SH3BGRL2: variants seen among roughly 807,000 people sequenced by gnomAD.
SH3BGRL2 encodes the protein SH3 domain-binding glutamic acid-rich-like protein 2.
SH3BGRL2 carries 21 observed loss-of-function variants against 14.8 expected under a neutral mutation model. The ratio of observed to expected loss-of-function variants is 1.42; its 90% CI spans 1.01 to 2.05. The LOEUF (loss-of-function observed/expected upper bound fraction) is 2.05. Among genes scored for constraint, SH3BGRL2 ranks in the 30% most tolerant of loss-of-function variants. The pLI is 0.00. For synonymous variants in SH3BGRL2, 50 were observed against 47.8 expected, an observed-to-expected ratio of 1.05 and a Z score of -0.19; for missense variants, 147 against 130.8, an observed-to-expected ratio of 1.12 and a Z score of -0.61.
intron 2 of SH3BGRL2, among the ~76,000 whole-genome samples, chr6:79,688,284 A>G (rs956666288): frequency 2.0e-5 from 3 of 151,824 alleles, no homozygotes; most frequent in Non-Finnish European, 4.4e-5. Flanking sequence ...ATGTTCCCTT[A>G]GTGAGTTCGA....
At chr6:79,586,599 G>A in the SH3BGRL2 span, among the ~76,000 whole-genome samples, 1 of 152,142 alleles carries the variant, frequency 6.6e-6, no homozygotes, top group African/African-American at 2.4e-5. Flanking sequence ...CATCTACAGT[G>A]ACTCTGAAAA....
rs562799666 is a variant in SH3BGRL2 at position 79,682,684 on chromosome 6, T to C, written c.231+8885T>C. ...CCGGAACATCCACTTGATTTGAAGA[T>C]TTTCATCATGTTGCAAGACTTAATA... On this transcript the variant is annotated intron_variant, in intron 2 of 3. Transcript: ENST00000369838. Among the ~76,000 whole-genome samples the C allele has an allele frequency of 2.0e-5, 3 of 152,326 alleles. No individual in the cohort carries two copies. The South Asian group carries it at 6.2e-4, about 32-fold the overall frequency.
intron 3 of SH3BGRL2, 30 bp from the exon 4 acceptor site, chr6:79,699,463 CTTTTT>C (rs35728679): frequency 0.013 from 11,140 of 871,716 alleles, no homozygotes; most frequent in East Asian, 0.036. Flanking sequence ...CAATAACTGA[CTTTTT>C]TTTTTTTTTT....
the SH3BGRL2 span, among the ~76,000 whole-genome samples, chr6:79,567,238 T>A: frequency 6.6e-6 from 1 of 152,314 alleles, no homozygotes; most frequent in East Asian, 1.9e-4. Flanking sequence ...TGAATGAAAC[T>A]AAATCTTCAG....
intron 1 of SH3BGRL2, among the ~76,000 whole-genome samples, chr6:79,669,177 T>A (rs1769720855): frequency 6.6e-6 from 1 of 152,052 alleles, no homozygotes; most frequent in Non-Finnish European, 1.5e-5. Flanking sequence ...ATTGACATTG[T>A]AGAGAGAGAG....
chr6:79,589,204 ATATTT>A, the SH3BGRL2 span, among the ~76,000 whole-genome samples: 78 of 85,480 alleles, frequency 9.1e-4, no homozygotes, highest in Middle Eastern at 7.1e-3. Context: ...ATATATATAT[ATATTT>A]TTTTTTTTTG....
At chr6:79,540,814 G>A in the SH3BGRL2 span, among the ~76,000 whole-genome samples, 3 of 152,256 alleles carry the variant, frequency 2.0e-5, no homozygotes, top group African/African-American at 7.2e-5. Context: ...ATTAATAAGT[G>A]ATTCAAAAAC....
the SH3BGRL2 span, among the ~76,000 whole-genome samples, chr6:79,565,403 G>GT: frequency 6.1e-4 from 93 of 151,862 alleles, no homozygotes; most frequent in Non-Finnish European, 1.0e-3. Flanking sequence ...CAAATTCTAT[G>GT]TTTTTTTACT....
chr6:79,669,452 CTTT>C (rs66477199), intron 1 of SH3BGRL2, among the ~76,000 whole-genome samples: 4 of 122,952 alleles, frequency 3.3e-5, no homozygotes, highest in Admixed American at 1.8e-4. Context: ...AATTTATATT[CTTT>C]TTTTTTTTTT....
the SH3BGRL2 span, among the ~76,000 whole-genome samples, chr6:79,624,423 C>T: frequency 2.0e-5 from 3 of 151,358 alleles, no homozygotes; most frequent in Admixed American, 6.6e-5. Context: ...GATTAAAAAT[C>T]AAAATAAAAA....
At chr6:79,568,781 G>T in the SH3BGRL2 span, among the ~76,000 whole-genome samples, 1 of 152,024 alleles carries the variant, frequency 6.6e-6, no homozygotes, top group South Asian at 2.1e-4. Context: ...TGTGGTAAGA[G>T]TTTTCATTCT....
At chr6:79,611,983 T>G in the SH3BGRL2 span, among the ~76,000 whole-genome samples, 12 of 152,170 alleles carry the variant, frequency 7.9e-5, no homozygotes, top group Non-Finnish European at 1.6e-4. Flanking sequence ...TCTGTGATGT[T>G]AGACAAGGCT....
At chr6:79,672,331 C>G (rs1769790369) in intron 1 of SH3BGRL2, among the ~76,000 whole-genome samples, 1 of 152,204 alleles carries the variant, frequency 6.6e-6, no homozygotes, top group Non-Finnish European at 1.5e-5. Flanking sequence ...CTTGGATAAG[C>G]ACTTCTGTTC....
chr6:79,596,280 C>A, the SH3BGRL2 span, among the ~76,000 whole-genome samples: 6 of 152,116 alleles, frequency 3.9e-5, no homozygotes, highest in Non-Finnish European at 7.4e-5. Flanking sequence ...CACCTCAGCA[C>A]CTCCAAGTAG....
At chr6:79,559,804 T>C in the SH3BGRL2 span, among the ~76,000 whole-genome samples, 1 of 152,180 alleles carries the variant, frequency 6.6e-6, no homozygotes, top group Non-Finnish European at 1.5e-5. Context: ...TCCTCTCAGA[T>C]GGTTCAGAAA....
Position 79,668,790 on chromosome 6 carries a change from AT to A in SH3BGRL2, c.46-4821del, listed in dbSNP as rs1408098635. ...TTAAAATTAACTGACAATAGAATTT[AT>A]TTAAACATGCAACCACATACTACTT... On this transcript the variant is annotated intron_variant, in intron 1 of 3. Transcript: ENST00000369838. Among the ~76,000 whole-genome samples, 4 of 152,362 alleles carry A rather than the reference AT, an allele frequency of 2.6e-5. No individual in the cohort carries two copies. In the East Asian group the frequency reaches 7.7e-4, roughly 29 times the overall value.
chr6:79,642,180 G>T (rs1355192424), intron 1 of SH3BGRL2, among the ~76,000 whole-genome samples: 2 of 152,178 alleles, frequency 1.3e-5, no homozygotes, highest in African/African-American at 4.8e-5. Context: ...AAAGTGGACA[G>T]TTGCATCTGT....
At chr6:79,648,279 T>TATATAAATATATAA (rs752182712) in intron 1 of SH3BGRL2, among the ~76,000 whole-genome samples, 1 of 117,172 alleles carries the variant, frequency 8.5e-6, no homozygotes, top group South Asian at 2.9e-4. Context: ...TATATATATA[T>TATATAAATATATAA]ATATTTGACA....
At chr6:79,582,955 A>T in the SH3BGRL2 span, among the ~76,000 whole-genome samples, 2 of 152,192 alleles carry the variant, frequency 1.3e-5, no homozygotes, top group Admixed American at 1.3e-4. Flanking sequence ...AAATAACCCC[A>T]TCAAAAAGTG....
Sources: allele counts gnomAD v4.1 joint callset (sites outside exome capture counted in the v4.1 genomes callset), GRCh38; gene constraint gnomAD v4.1.1; transcripts MANE v1.5; gene names NCBI Gene and HGNC (gene_info 2026-07-23, HGNC 2026-07-21).